The following ZMAT4 variants were observed in gnomAD, a reference collection of about 807,000 sequenced individuals.
ZMAT4 encodes zinc finger matrin-type protein 4.
ZMAT4 carries 17 observed loss-of-function variants against 28.7 expected under a neutral mutation model. The observed-to-expected ratio is 0.59, with a 90% confidence interval of 0.41 to 0.89. ZMAT4 has a LOEUF of 0.89. Among genes scored for constraint, ZMAT4 ranks in the 40% least tolerant of loss-of-function variants. ZMAT4 has a pLI of 0.00. For missense variants in ZMAT4, 240 were observed against 283.8 expected, an observed-to-expected ratio of 0.85 and a Z score of 1.11; for synonymous variants, 117 against 109.2, an observed-to-expected ratio of 1.07 and a Z score of -0.44.
chr8:40,888,002 G>C (rs1048530449), intron 1 of ZMAT4, among the ~76,000 whole-genome samples: 1 of 152,114 alleles, frequency 6.6e-6, no homozygotes, highest in Non-Finnish European at 1.5e-5. Flanking sequence ...ATCCTTCAAT[G>C]CTCAGGGCTT....
At chr8:40,766,458 C>G (rs1022980456) in intron 3 of ZMAT4, among the ~76,000 whole-genome samples, 1 of 152,130 alleles carries the variant, frequency 6.6e-6, no homozygotes, top group South Asian at 2.1e-4. Context: ...GAAAACTGGG[C>G]CTTCAAGAGA....
At chr8:40,743,760 G>T (rs373924193) in intron 3 of ZMAT4, among the ~76,000 whole-genome samples, 4 of 152,176 alleles carry the variant, frequency 2.6e-5, no homozygotes, top group Non-Finnish European at 5.9e-5. Context: ...TGGTCATGGG[G>T]ACTGGGGCAC....
At chr8:40,722,586 C>G (rs1483413387) in intron 3 of ZMAT4, among the ~76,000 whole-genome samples, 3 of 152,184 alleles carry the variant, frequency 2.0e-5, no homozygotes, top group African/African-American at 7.2e-5. Context: ...GATAAAGTCA[C>G]ATTCACATTA....
At chr8:40,621,611 T>A (rs1806200759) in intron 5 of ZMAT4, among the ~76,000 whole-genome samples, 1 of 152,198 alleles carries the variant, frequency 6.6e-6, no homozygotes. Context: ...TGACATGATT[T>A]GATATCATTA....
intron 3 of ZMAT4, among the ~76,000 whole-genome samples, chr8:40,750,574 G>T (rs933893944): frequency 6.6e-6 from 1 of 152,200 alleles, no homozygotes; most frequent in East Asian, 1.9e-4. Context: ...TCAGGAAAGA[G>T]TTGAGATTCA....
chr8:40,763,223 T>C (rs2150557796), intron 3 of ZMAT4, among the ~76,000 whole-genome samples: 1 of 152,274 alleles, frequency 6.6e-6, no homozygotes, highest in South Asian at 2.1e-4. Flanking sequence ...GGTGTCCATG[T>C]CCCCCAGCGC....
chr8:40,561,572 C>G (rs1357711413), intron 6 of ZMAT4, among the ~76,000 whole-genome samples: 2 of 152,066 alleles, frequency 1.3e-5, no homozygotes, highest in Non-Finnish European at 2.9e-5. Context: ...AGCACTTTCT[C>G]TTCCCCACCC....
intron 5 of ZMAT4, among the ~76,000 whole-genome samples, chr8:40,612,761 T>C (rs1483479801): frequency 7.3e-6 from 1 of 136,124 alleles, no homozygotes; most frequent in Non-Finnish European, 1.7e-5. Context: ...ATATTTTGTA[T>C]ACTTTATTCA....
chr8:40,844,657 C>CTGTGTGTGTG (rs71224857), intron 1 of ZMAT4, among the ~76,000 whole-genome samples: 81 of 142,494 alleles, frequency 5.7e-4, no homozygotes, highest in South Asian at 2.4e-3. Flanking sequence ...CTCTCTCATT[C>CTGTGTGTGTG]TGTGTGTGTG....
intron 6 of ZMAT4, among the ~76,000 whole-genome samples, chr8:40,546,173 T>C (rs1158879144): frequency 1.3e-5 from 2 of 151,784 alleles, no homozygotes; most frequent in African/African-American, 4.8e-5. Flanking sequence ...AAAATCCACA[T>C]GAATCTCATC....
chr8:40,832,442 G>A (rs138065014), intron 1 of ZMAT4, among the ~76,000 whole-genome samples: 15 of 152,172 alleles, frequency 9.9e-5, no homozygotes, highest in Admixed American at 2.0e-4. Context: ...GCCCTCCAAC[G>A]TGGCCTGACA....
chr8:40,563,587 A>T lies in ZMAT4; in HGVS notation c.674+17578T>A, dbSNP rs186247163. On this transcript the variant is annotated intron_variant, in intron 6 of 6. Coordinates refer to ENST00000297737, the MANE Select transcript of ZMAT4 (RefSeq NM_024645.3). ...CTTCTTTGAGCACTACTAGTAGAAG[A>T]AACAATTTTGAAATGAAAAAACAGA... Among the ~76,000 whole-genome samples, 65 of 152,316 alleles carry T rather than the reference A, an allele frequency of 4.3e-4. 1 individual carries two copies. In the East Asian group the frequency reaches 8.7e-3, roughly 20 times the overall value.
chr8:40,743,828 A>ACGGAGAAGGAG, intron 3 of ZMAT4, among the ~76,000 whole-genome samples: 1 of 152,210 alleles, frequency 6.6e-6, no homozygotes, highest in Admixed American at 6.5e-5. Context: ...GGACAGGGGC[A>ACGGAGAAGGAG]CGGAGAAGGA....
chr8:40,713,570 C>T (rs1163984805), intron 3 of ZMAT4, among the ~76,000 whole-genome samples: 1 of 151,934 alleles, frequency 6.6e-6, no homozygotes, highest in Admixed American at 6.6e-5. Context: ...GTTAACACCC[C>T]ACCAGTTAAG....
intron 2 of ZMAT4, among the ~76,000 whole-genome samples, chr8:40,811,340 T>C (rs1050663730): frequency 6.6e-6 from 1 of 152,074 alleles, no homozygotes; most frequent in Non-Finnish European, 1.5e-5. Flanking sequence ...TATATTTCCA[T>C]AGGGAAAGGG....
chr8:40,729,800 C>T (rs1030989622), intron 3 of ZMAT4, among the ~76,000 whole-genome samples: 1 of 152,038 alleles, frequency 6.6e-6, no homozygotes, highest in Non-Finnish European at 1.5e-5. Context: ...AGTTTCACCA[C>T]GTTGGCAAGG....
chr8:40,555,059 G>A (rs1328827317), intron 6 of ZMAT4, among the ~76,000 whole-genome samples: 1 of 152,078 alleles, frequency 6.6e-6, no homozygotes, highest in Non-Finnish European at 1.5e-5. Flanking sequence ...CTACACATGA[G>A]TGAGAACATG....
chr8:40,742,139 T>C (rs1812034255), intron 3 of ZMAT4, among the ~76,000 whole-genome samples: 1 of 150,974 alleles, frequency 6.6e-6, no homozygotes, highest in South Asian at 2.1e-4. Context: ...CTGACTGTAG[T>C]CCCCAGCTAC....
At chr8:40,801,872 G>T (rs9918899) in intron 2 of ZMAT4, among the ~76,000 whole-genome samples, 109,086 of 151,980 alleles carry the variant, frequency 0.72, 39,376 homozygotes, top group Middle Eastern at 0.79. Flanking sequence ...ACAAAATAAA[G>T]GATACACCAC....
Sources: gnomAD v4.1 joint callset for allele counts (sites outside exome capture counted in the v4.1 genomes callset) on GRCh38, gnomAD v4.1.1 for gene constraint, MANE v1.5 for transcripts, NCBI Gene and HGNC (gene_info 2026-07-23, HGNC 2026-07-21) for gene names.